UNC13B: variants seen among roughly 807,000 people sequenced by gnomAD.
UNC13B encodes protein unc-13 homolog B.
Under a neutral mutation model 211.0 loss-of-function variants are expected in UNC13B, and 144 were observed. The observed-to-expected ratio is 0.68, with a 90% CI of 0.60 to 0.78. The LOEUF is 0.78. UNC13B is among the 30% of genes least tolerant of loss of function. The probability of loss-of-function intolerance (pLI) is 0.00; values close to 1 mark genes in which losing one functional copy is unlikely to be tolerated. For missense variants in UNC13B, 1,777 were observed against 2,002.0 expected, an observed-to-expected ratio of 0.89 and a Z score of 2.14; for synonymous variants, 709 against 725.8, an observed-to-expected ratio of 0.98 and a Z score of 0.37.
chr9:35,192,455 TC>T (rs1391951981), intron 1 of UNC13B, among the ~76,000 whole-genome samples: 1 of 152,228 alleles, frequency 6.6e-6, no homozygotes, highest in Non-Finnish European at 1.5e-5. Context: ...CAGCATAACA[TC>T]CCTTCATGAG....
rs373487566 is a variant in UNC13B, at chr9:35,295,800, G to A, written c.631G>A (p.Ala211Thr). 5.6e-6 allele frequency: 9 copies of A among 1,613,934 alleles called. No individual in the cohort carries two copies. The highest frequency in any genetic ancestry group is 5.3e-5 in the African/African-American group (4 of 74,882). ...TTACCATACAGCTTCCCAGCCCAACGCTTCTGTGCACCAGTTCCCTGTGCC... is the reference window on the plus strand; with the variant it reads ...TTACCATACAGCTTCCCAGCCCAACACTTCTGTGCACCAGTTCCCTGTGCC... ...PPYHTASQPN[A>T]SVHQFPVPVR... Residue 211 changes from alanine to threonine, a missense_variant, in exon 8 of 40, where the codon GCT becomes ACT. By Grantham distance (58) the Ala-to-Thr change is moderately conservative. Transcript: ENST00000635942.
In UNC13B at chr9:35,399,268, C is replaced by G. The variant is rs1410465047; in HGVS notation, c.12182C>G (p.Pro4061Arg). The G allele has an allele frequency of 6.2e-7, 1 of 1,614,172 alleles. No individual in the cohort carries two copies. The highest frequency in any genetic ancestry group is 1.1e-5 in the South Asian group (1 of 91,080). The change falls in exon 34 of 40, where the codon CCA becomes CGA. Residue 4061 changes from proline to arginine, a missense_variant. Physicochemically the swap from Pro to Arg is moderately radical, Grantham distance 103. Coordinates refer to ENST00000635942, the MANE Select transcript of UNC13B (RefSeq NM_001371189.2). ...ATGGAGAGGATGATTGTTCTGCCCC[C>G]ACTCACTGACCAGACGGTAAGGACA... ...NTMERMIVLPPLTDQTGTQLI... is the reference protein window; with the variant it reads ...NTMERMIVLPRLTDQTGTQLI...
intron 5 of UNC13B, among the ~76,000 whole-genome samples, chr9:35,241,856 A>T (rs1281781930): frequency 6.6e-6 from 1 of 152,198 alleles, no homozygotes; most frequent in African/African-American, 2.4e-5. Flanking sequence ...GGTGTGTGTA[A>T]GTGTTTTTAA....
rs542896589 is a variant in UNC13B at position 35,249,859 on chromosome 9, C to A, written c.468+6495C>A. 6.6e-5 allele frequency among the ~76,000 whole-genome samples: 10 copies of A among 152,276 alleles called. No homozygotes were observed. The South Asian group carries it at 2.1e-3, about 32-fold the overall frequency. ...TGGAGTTGCTCTTCTCGAGGAGTATCTTTGTTGCTTTCTGTTTTTATTCTA... is the reference window on the plus strand; with the variant it reads ...TGGAGTTGCTCTTCTCGAGGAGTATATTTGTTGCTTTCTGTTTTTATTCTA... On this transcript the variant is annotated intron_variant, in intron 6 of 39. Transcript: ENST00000635942.
Position 35,399,417 on chromosome 9 carries a change from C to T in UNC13B, c.12224C>T (p.Ala4075Val). Residue 4075 changes from alanine to valine, a missense_variant, in exon 35 of 40, where the codon GCC becomes GTC. Physicochemically the swap from Ala to Val is moderately conservative, Grantham distance 64. Transcript: ENST00000635942. ...QTGTQLIFTA[A>V]KELSHLSKLK... ...GGCACCCAGCTGATCTTCACTGCTGCCAAGGAGCTGAGCCATCTTTCCAAA... is the reference window on the plus strand; with the variant it reads ...GGCACCCAGCTGATCTTCACTGCTGTCAAGGAGCTGAGCCATCTTTCCAAA... 6.2e-7 allele frequency: 1 copy of T among 1,614,108 alleles called. No homozygotes were observed. The highest frequency in any genetic ancestry group is 2.2e-5 in the East Asian group (1 of 44,882).
intron 1 of UNC13B, among the ~76,000 whole-genome samples, chr9:35,220,963 G>T (rs998177396): frequency 6.6e-6 from 1 of 152,156 alleles, no homozygotes; most frequent in African/African-American, 2.4e-5. Flanking sequence ...ACTGGGGTGA[G>T]ATGATACCTC....
intron 7 of UNC13B, among the ~76,000 whole-genome samples, chr9:35,260,223 AAAC>A (rs1252892163): frequency 2.2e-4 from 34 of 151,934 alleles, no homozygotes; most frequent in Middle Eastern, 6.8e-3. Context: ...ACAAACAAAC[AAAC>A]AAACAAACAA....
chr9:35,362,861 G>A (rs945437192), intron 11 of UNC13B, among the ~76,000 whole-genome samples: 1 of 151,996 alleles, frequency 6.6e-6, no homozygotes, highest in Non-Finnish European at 1.5e-5. Context: ...ACAATGGTGG[G>A]ACTTGTCAAG....
chr9:35,243,418 C>A, intron 6 of UNC13B, 54 bp downstream of exon 6: 1 of 1,587,794 alleles, frequency 6.3e-7, no homozygotes, highest in South Asian at 1.1e-5. Context: ...CTCCAATGCT[C>A]TTTATAGGTT....
At position 35,247,473 on chromosome 9, in the gene UNC13B, T is replaced by C. The variant is rs540820362; in HGVS notation, c.468+4109T>C. On this transcript the variant is annotated intron_variant, in intron 6 of 39. Coordinates refer to ENST00000635942, the MANE Select transcript of UNC13B (RefSeq NM_001371189.2). ...GCTTCCAGTTTTTGCCCATTCAGTA[T>C]GATATTGGCTGTGGGTTTGTCATAG... Among the ~76,000 whole-genome samples the C allele has an allele frequency of 6.0e-3, 909 of 152,288 alleles. 6 individuals are homozygous for C. The highest frequency in any genetic ancestry group is 0.02 in the African/African-American group (845 of 41,566).
chr9:35,381,252 A>C, intron 19 of UNC13B, 37 bp downstream of exon 19: 3 of 1,571,494 alleles, frequency 1.9e-6, no homozygotes, highest in Non-Finnish European at 2.6e-6. Context: ...ATCAGAAAGC[A>C]GTGCTGGGAG....
chr9:35,223,001 C>T (rs553594552), intron 1 of UNC13B, among the ~76,000 whole-genome samples: 1 of 152,318 alleles, frequency 6.6e-6, no homozygotes, highest in Non-Finnish European at 1.5e-5. Context: ...TATCCAGTTC[C>T]ATCCATGTTG....
At position 35,295,817 on chromosome 9, in the gene UNC13B, C is replaced by T. The variant is rs1461555285; in HGVS notation, c.648C>T (p.Phe216=). The T allele has an allele frequency of 6.2e-7, 1 of 1,614,190 alleles. No individual in the cohort carries two copies. The highest frequency in any genetic ancestry group is 2.2e-5 in the East Asian group (1 of 44,890). ...ASQPNASVHQ[F]PVPVRSPQQL... ...AGCCCAACGCTTCTGTGCACCAGTT[C>T]CCTGTGCCGGTGCGATCGCCACAGC... Residue 216 remains phenylalanine, a synonymous_variant, in exon 8 of 40, where the codon TTC becomes TTT. Coordinates refer to ENST00000635942, the MANE Select transcript of UNC13B (RefSeq NM_001371189.2).
At chr9:35,297,317 G>A (rs1334100864) in intron 8 of UNC13B, among the ~76,000 whole-genome samples, 1 of 151,694 alleles carries the variant, frequency 6.6e-6, no homozygotes, top group Admixed American at 6.6e-5. Flanking sequence ...TCCATCTCCT[G>A]GCCTCAAACG....
chr9:35,364,793 C>T (rs894058618), intron 11 of UNC13B, among the ~76,000 whole-genome samples: 6 of 152,068 alleles, frequency 3.9e-5, no homozygotes, highest in Non-Finnish European at 7.4e-5. Context: ...GAGCACACTG[C>T]GAGAATGTGT....
intron 9 of UNC13B, among the ~76,000 whole-genome samples, chr9:35,309,257 GTGTGTGTA>G (rs1356171292): frequency 9.8e-4 from 132 of 134,180 alleles, no homozygotes; most frequent in African/African-American, 3.5e-3. Flanking sequence ...GTGTGTGTGT[GTGTGTGTA>G]TACTTATGTA....
intron 1 of UNC13B, among the ~76,000 whole-genome samples, chr9:35,194,842 C>T (rs938374448): frequency 1.3e-5 from 2 of 151,864 alleles, no homozygotes; most frequent in South Asian, 2.1e-4. Flanking sequence ...CGGACACATA[C>T]GAGGAGTTTA....
Position 35,310,541 on chromosome 9 carries a change from A to T in UNC13B, c.9083A>T (p.Gln3028Leu). ...QGSSQLSELD[Q>L]YHEQDDDHRE... Reference sequence around the variant, plus strand: ...AGCTCTCAGCTAAGTGAACTAGACCAGTATCACGAACAAGATGACGACCAT... The same window carrying T: ...AGCTCTCAGCTAAGTGAACTAGACCTGTATCACGAACAAGATGACGACCAT... Residue 3028 changes from glutamine to leucine, a missense_variant, in exon 10 of 40, where the codon CAG becomes CTG. Gln to Leu is a moderately radical substitution (Grantham distance 113). Transcript: ENST00000635942. The T allele has an allele frequency of 6.2e-7, 1 of 1,614,166 alleles. No homozygotes were observed. Among genetic ancestry groups the T allele is most frequent in the Non-Finnish European group, 8.5e-7 (1 of 1,180,032 alleles).
intron 1 of UNC13B, among the ~76,000 whole-genome samples, chr9:35,206,395 C>G (rs898067161): frequency 2.0e-5 from 3 of 152,016 alleles, no homozygotes; most frequent in African/African-American, 7.2e-5. Flanking sequence ...TTCCCTCTAT[C>G]CCCTGGTAAC....
Sources: allele counts gnomAD v4.1 joint callset (sites outside exome capture counted in the v4.1 genomes callset), GRCh38; gene constraint gnomAD v4.1.1; transcripts MANE v1.5; gene names NCBI Gene and HGNC (gene_info 2026-07-23, HGNC 2026-07-21).